Variants in PLPBP observed in about 807,000 individuals in gnomAD.
PLPBP encodes pyridoxal phosphate homeostasis protein.
PLPBP carries 21 observed loss-of-function variants against 31.2 expected under a neutral mutation model. That is an observed-to-expected ratio of 0.67 (90% CI 0.48 to 0.97). The LOEUF is 0.97. PLPBP is among the 50% of genes least tolerant of loss of function. The pLI is 0.00. For synonymous variants in PLPBP, 124 were observed against 135.6 expected, an observed-to-expected ratio of 0.91 and a Z score of 0.59; for missense variants, 308 against 354.4, an observed-to-expected ratio of 0.87 and a Z score of 1.05.
intron 3 of PLPBP, 106 bp downstream of exon 3, chr8:37,765,852 G>A: frequency 8.1e-7 from 1 of 1,229,110 alleles, no homozygotes; most frequent in Non-Finnish European, 1.2e-6. Flanking sequence ...TAGGGTGGTT[G>A]ACTTTAGATT....
chr8:37,774,167 C>T (rs1231982155), intron 5 of PLPBP, among the ~76,000 whole-genome samples: 1 of 151,804 alleles, frequency 6.6e-6, no homozygotes, highest in African/African-American at 2.4e-5. Flanking sequence ...TCCGAGATCG[C>T]GCCACTGCAC....
intron 4 of PLPBP, among the ~76,000 whole-genome samples, chr8:37,769,221 A>G (rs926033378): frequency 5.3e-5 from 8 of 152,234 alleles, no homozygotes; most frequent in Admixed American, 4.6e-4. Flanking sequence ...CTGTGGTCCC[A>G]GCTACCTGGG....
At chr8:37,767,270 C>T (rs983392118) in intron 4 of PLPBP, among the ~76,000 whole-genome samples, 5 of 152,106 alleles carry the variant, frequency 3.3e-5, no homozygotes, top group African/African-American at 9.7e-5. Context: ...ACCTGTGAAA[C>T]CATCACAACA....
At chr8:37,768,465 CTTTTT>C (rs903134254) in intron 4 of PLPBP, among the ~76,000 whole-genome samples, 1 of 76,830 alleles carries the variant, frequency 1.3e-5, no homozygotes, top group South Asian at 5.1e-4. Flanking sequence ...TTTTGATTTT[CTTTTT>C]TTTTTTTTTT....
rs558294614 is a variant in PLPBP, at chr8:37,777,287, A to G, written c.697-686A>G. 2.6e-5 allele frequency among the ~76,000 whole-genome samples: 4 copies of G among 152,336 alleles called. No individual in the cohort carries two copies. In the South Asian group the frequency reaches 8.3e-4, roughly 32 times the overall value. On this transcript the variant is annotated intron_variant, in intron 7 of 7. Coordinates refer to ENST00000328195, the MANE Select transcript of PLPBP (RefSeq NM_007198.4). Reference sequence around the variant, plus strand: ...AAAATACATTGCATTGATAAGTAAAATGGAATTTGATCAGATAATTATAAG... The same window carrying G: ...AAAATACATTGCATTGATAAGTAAAGTGGAATTTGATCAGATAATTATAAG...
rs1803626260 is a variant in PLPBP at position 37,766,291 on chromosome 8, G to A, written c.255G>A (p.Leu85=). The A allele has an allele frequency of 3.7e-6, 6 of 1,608,790 alleles. No individual in the cohort carries two copies. The Admixed American group carries it at 1.0e-4, about 27-fold the overall frequency. ...CTTTTTCCCCTCAGATTCTGTCTTTGTGTCCTGAGATCAAATGGCACTTCA... is the reference window on the plus strand; with the variant it reads ...CTTTTTCCCCTCAGATTCTGTCTTTATGTCCTGAGATCAAATGGCACTTCA... ...EKASNPKILS[L]CPEIKWHFIG... Residue 85 remains leucine (L), a synonymous_variant, in exon 4 of 8, where the codon TTG becomes TTA. Transcript: ENST00000328195.
intron 4 of PLPBP, chr8:37,766,839 T>G (rs1585931258): frequency 5.4e-6 from 1 of 185,354 alleles, no homozygotes; most frequent in African/African-American, 2.4e-5. Context: ...AGGTCAGGAG[T>G]TCAAGACCAG....
chr8:37,762,864 C>T (rs953853791), intron 1 of PLPBP, 106 bp downstream of exon 1: 123 of 1,387,890 alleles, frequency 8.9e-5, no homozygotes, highest in Non-Finnish European at 1.2e-4. Flanking sequence ...CCCAGAGAGG[C>T]GGGACTGGTC....
At chr8:37,764,411 T>C (rs1171953830) in intron 1 of PLPBP, among the ~76,000 whole-genome samples, 1 of 152,176 alleles carries the variant, frequency 6.6e-6, no homozygotes, top group Non-Finnish European at 1.5e-5. Flanking sequence ...AACCTCCACC[T>C]CCCGGATTCA....
chr8:37,776,487 A>T (rs1482218993), intron 7 of PLPBP, among the ~76,000 whole-genome samples: 1 of 150,182 alleles, frequency 6.7e-6, no homozygotes, highest in African/African-American at 2.4e-5. Flanking sequence ...TCAAAAAAAA[A>T]AAAAAAAAAA....
chr8:37,767,320 G>A (rs1803659099), intron 4 of PLPBP, among the ~76,000 whole-genome samples: 1 of 152,136 alleles, frequency 6.6e-6, no homozygotes, highest in African/African-American at 2.4e-5. Flanking sequence ...GTTTCCTCCT[G>A]TCCCTTGGTA....
At chr8:37,773,231 G>A (rs1055314202) in intron 5 of PLPBP, among the ~76,000 whole-genome samples, 3 of 151,858 alleles carry the variant, frequency 2.0e-5, no homozygotes, top group East Asian at 1.9e-4. Flanking sequence ...GCAATGGTGC[G>A]ATCTCGGCTC....
rs1371775340 is a variant in PLPBP at position 37,765,646 on chromosome 8, T to G, written c.207+13T>G. ...TGGCGAGAACTACGTAAGAGCCCTTTCCTGAAGCCCTTTGGAAGCATCATG... is the reference window on the plus strand; with the variant it reads ...TGGCGAGAACTACGTAAGAGCCCTTGCCTGAAGCCCTTTGGAAGCATCATG... On this transcript the variant is annotated intron_variant, in intron 2 of 7. Coordinates refer to ENST00000328195, the MANE Select transcript of PLPBP (RefSeq NM_007198.4). 3 of 1,614,120 alleles carry G rather than the reference T, an allele frequency of 1.9e-6. No homozygotes were observed. Among genetic ancestry groups the G allele is most frequent in the Non-Finnish European group, 2.5e-6 (3 of 1,180,034 alleles).
At chr8:37,774,473 C>G (rs1411954888) in intron 5 of PLPBP, among the ~76,000 whole-genome samples, 1 of 152,168 alleles carries the variant, frequency 6.6e-6, no homozygotes, top group Non-Finnish European at 1.5e-5. Flanking sequence ...ATATGATAAT[C>G]CAGGCAACAT....
intron 5 of PLPBP, among the ~76,000 whole-genome samples, chr8:37,774,220 T>A (rs1019225594): frequency 1.3e-5 from 2 of 151,768 alleles, no homozygotes; most frequent in East Asian, 1.9e-4. Flanking sequence ...CAAAAAAAAA[T>A]AAATAAATAA....
In PLPBP at chr8:37,772,760, C is replaced by A; in HGVS notation, c.325C>A (p.Pro109Thr). The A allele has an allele frequency of 6.2e-7, 1 of 1,614,106 alleles. No homozygotes were observed. Among genetic ancestry groups the A allele is most frequent in the East Asian group, 2.2e-5 (1 of 44,874 alleles). Residue 109 changes from proline (P) to threonine (T), a missense_variant, in exon 5 of 8, where the codon CCC becomes ACC. Physicochemically the swap from Pro to Thr is conservative, Grantham distance 38 (BLOSUM62 -1). Coordinates refer to ENST00000328195, the MANE Select transcript of PLPBP (RefSeq NM_007198.4). ...TTGCCTCTGTCTCATTACAGCTGTCCCCAATCTCTTCATGCTGGAAACAGT... is the reference window on the plus strand; with the variant it reads ...TTGCCTCTGTCTCATTACAGCTGTCACCAATCTCTTCATGCTGGAAACAGT... ...KQNVNKLMAVPNLFMLETVDS... is the reference protein window; with the variant it reads ...KQNVNKLMAVTNLFMLETVDS...
At chr8:37,765,367 C>A (rs1051846533) in intron 1 of PLPBP, among the ~76,000 whole-genome samples, 159 bp from the exon 2 acceptor site, 1 of 152,186 alleles carries the variant, frequency 6.6e-6, no homozygotes, top group African/African-American at 2.4e-5. Flanking sequence ...TCATGATCAC[C>A]ACTATTTGAT....
chr8:37,769,312 G>A lies in PLPBP; in HGVS notation c.319+2957G>A, dbSNP rs899520261. On this transcript the variant is annotated intron_variant, in intron 4 of 7. Transcript: ENST00000328195. Reference sequence around the variant, plus strand: ...GATTGTGCCACTGCACTCCAGCCTGGATGACAGAGGAGACCCTATCTAATA... The same window carrying A: ...GATTGTGCCACTGCACTCCAGCCTGAATGACAGAGGAGACCCTATCTAATA... 2.6e-5 allele frequency among the ~76,000 whole-genome samples: 4 copies of A among 152,020 alleles called. No homozygotes were observed. The East Asian group carries it at 7.7e-4, about 29-fold the overall frequency.
At chr8:37,762,620 G>T (rs1585926420), upstream of PLPBP, 2 of 1,543,776 alleles carry the variant, frequency 1.3e-6, no homozygotes, top group Non-Finnish European at 1.7e-6. Flanking sequence ...GTGAGCCACG[G>T]GCTGCCGGGG....
Sources: allele counts gnomAD v4.1 joint callset (sites outside exome capture counted in the v4.1 genomes callset), GRCh38; gene constraint gnomAD v4.1.1; transcripts MANE v1.5; gene names NCBI Gene and HGNC (gene_info 2026-07-23, HGNC 2026-07-21).